CDH9: variants seen among roughly 807,000 people sequenced by gnomAD.
The protein encoded by CDH9 is cadherin 9.
CDH9 carries 28 observed loss-of-function variants against 70.9 expected under a neutral mutation model. That is an observed-to-expected ratio of 0.40 (90% CI 0.29 to 0.54). CDH9 has a LOEUF of 0.54. Ranked by LOEUF, CDH9 falls within the 20% of genes least tolerant of loss-of-function variation. The pLI is 0.59. For missense variants in CDH9, 874 were observed against 984.4 expected (o/e 0.89, Z 1.50); for synonymous variants, 409 against 343.1 (o/e 1.19, Z -2.12).
At chr5:26,936,745 T>C (rs1741565496) in intron 2 of CDH9, among the ~76,000 whole-genome samples, 1 of 151,916 alleles carries the variant, frequency 6.6e-6, no homozygotes, top group Non-Finnish European at 1.5e-5. Context: ...CTCAAACAAA[T>C]ATAGTCAACT....
intron 2 of CDH9, among the ~76,000 whole-genome samples, chr5:26,917,740 C>A (rs1028857514): frequency 6.6e-6 from 1 of 151,936 alleles, no homozygotes; most frequent in African/African-American, 2.4e-5. Context: ...TTCTCTGGAC[C>A]ACCAGAGCAA....
intron 2 of CDH9, among the ~76,000 whole-genome samples, chr5:26,942,102 G>A (rs1741671867): frequency 6.6e-6 from 1 of 152,182 alleles, no homozygotes; most frequent in Admixed American, 6.5e-5. Context: ...AGTTCAGCAA[G>A]GCTAGGGAGG....
intron 2 of CDH9, among the ~76,000 whole-genome samples, chr5:26,985,309 C>A (rs978034300): frequency 1.3e-5 from 2 of 151,912 alleles, no homozygotes; most frequent in East Asian, 3.9e-4. Flanking sequence ...TTAGAAAAGA[C>A]CAGAAATTTG....
intron 2 of CDH9, among the ~76,000 whole-genome samples, chr5:26,919,464 C>A (rs1042375448): frequency 6.6e-5 from 10 of 152,022 alleles, no homozygotes; most frequent in African/African-American, 2.4e-4. Context: ...GGTTCTGGGG[C>A]CTAAAATAAA....
chr5:26,966,885 C>T (rs1428056956), intron 2 of CDH9, among the ~76,000 whole-genome samples: 1 of 152,008 alleles, frequency 6.6e-6, no homozygotes, highest in Non-Finnish European at 1.5e-5. Context: ...CCATTGTCTA[C>T]TTGTGTCTCA....
intron 2 of CDH9, among the ~76,000 whole-genome samples, chr5:26,940,162 CAA>C (rs36027792): frequency 7.3e-6 from 1 of 136,218 alleles, no homozygotes; most frequent in African/African-American, 3.0e-5. Flanking sequence ...GACTCAGTTG[CAA>C]AAAAAAAAAA....
At chr5:26,971,572 G>A (rs909356105) in intron 2 of CDH9, among the ~76,000 whole-genome samples, 1 of 152,166 alleles carries the variant, frequency 6.6e-6, no homozygotes, top group Admixed American at 6.5e-5. Flanking sequence ...CTACATGGCT[G>A]AAATGTAGGA....
chr5:26,987,797 T>C (rs1417702978), intron 2 of CDH9, among the ~76,000 whole-genome samples: 4 of 152,046 alleles, frequency 2.6e-5, no homozygotes, highest in African/African-American at 9.7e-5. Flanking sequence ...TGAAAAACTA[T>C]CAATCGATCT....
intron 2 of CDH9, among the ~76,000 whole-genome samples, chr5:26,958,679 G>T (rs1322216113): frequency 6.6e-6 from 1 of 152,156 alleles, no homozygotes; most frequent in African/African-American, 2.4e-5. Context: ...ATTCTAGATT[G>T]TGTGCTTAGT....
intron 2 of CDH9, among the ~76,000 whole-genome samples, chr5:26,986,364 A>C (rs1174121140): frequency 6.6e-6 from 1 of 152,144 alleles, no homozygotes; most frequent in East Asian, 1.9e-4. Flanking sequence ...AGGTAATTAA[A>C]GCTATGCATG....
chr5:26,994,898 G>A (rs763109896), intron 1 of CDH9, among the ~76,000 whole-genome samples: 1 of 152,044 alleles, frequency 6.6e-6, no homozygotes, highest in Non-Finnish European at 1.5e-5. Flanking sequence ...CTCATCCATA[G>A]CCATCTCCTC....
chr5:26,890,870 C>A, intron 7 of CDH9: 1 of 258,378 alleles, frequency 3.9e-6, no homozygotes, highest in Non-Finnish European at 7.5e-6. Flanking sequence ...CGTAGGCCTA[C>A]TGCAGTGCTT....
chr5:26,914,670 C>T (rs991550890), intron 3 of CDH9, among the ~76,000 whole-genome samples: 4 of 151,996 alleles, frequency 2.6e-5, no homozygotes, highest in African/African-American at 9.7e-5. Flanking sequence ...TAACATTTTA[C>T]ATTAAACATT....
intron 5 of CDH9, among the ~76,000 whole-genome samples, chr5:26,905,322 G>A (rs1048826775): frequency 5.9e-5 from 9 of 152,082 alleles, no homozygotes; most frequent in African/African-American, 2.2e-4. Context: ...GTTAACTGAT[G>A]TAATCTTCAT....
At chr5:26,982,232 G>A (rs1742411466) in intron 2 of CDH9, among the ~76,000 whole-genome samples, 1 of 151,146 alleles carries the variant, frequency 6.6e-6, no homozygotes, top group Non-Finnish European at 1.5e-5. Flanking sequence ...CAAAAACACT[G>A]AAATCAGTGG....
intron 7 of CDH9, among the ~76,000 whole-genome samples, chr5:26,899,807 G>A (rs369557945): frequency 6.6e-6 from 1 of 151,344 alleles, no homozygotes; most frequent in Non-Finnish European, 1.5e-5. Flanking sequence ...ACCGTAGCAC[G>A]TGTATATCTA....
chr5:27,007,234 T>C (rs947658051), intron 1 of CDH9, among the ~76,000 whole-genome samples: 1 of 152,082 alleles, frequency 6.6e-6, no homozygotes, highest in Non-Finnish European at 1.5e-5. Flanking sequence ...TATTTAAAAC[T>C]GTATTTGATT....
intron 1 of CDH9, among the ~76,000 whole-genome samples, chr5:26,989,822 G>A (rs924717332): frequency 2.0e-5 from 3 of 152,072 alleles, no homozygotes; most frequent in Admixed American, 6.6e-5. Context: ...CCTACTGTCT[G>A]TGATATTTTC....
In CDH9 at chr5:26,941,801, A is replaced by G. The variant is rs1031380238; in HGVS notation, c.229-25877T>C. ...TGTTTTCTCTTGCTTATAACGGTCA[A>G]GGAAACTGGGTAATTTACAAAGAAT... On this transcript the variant is annotated intron_variant, in intron 2 of 11. Transcript: ENST00000231021. Among the ~76,000 whole-genome samples the G allele has an allele frequency of 2.0e-5, 3 of 152,216 alleles. No homozygotes were observed. The East Asian group carries it at 5.8e-4, about 29-fold the overall frequency.
Sources: allele counts gnomAD v4.1 joint callset (sites outside exome capture counted in the v4.1 genomes callset), GRCh38; gene constraint gnomAD v4.1.1; transcripts MANE v1.5; gene names NCBI Gene and HGNC (gene_info 2026-07-23, HGNC 2026-07-21).